ZNF521: variants seen among roughly 807,000 people sequenced by gnomAD.
The protein encoded by ZNF521 is LYST-interacting protein 3.
A neutral mutation model predicts 105.5 loss-of-function variants in ZNF521; 14 were observed. The ratio of observed to expected loss-of-function variants is 0.13; its 90% CI spans 0.09 to 0.21. ZNF521 has a LOEUF of 0.21. ZNF521 is among the 10% of genes least tolerant of loss of function. ZNF521 has a pLI of 1.00. For synonymous variants in ZNF521, 635 were observed against 606.0 expected (o/e 1.05, Z -0.70); for missense variants, 1,233 against 1,629.7 (o/e 0.76, Z 4.19).
chr18:25,318,954 A>C (rs1912788739), intron 3 of ZNF521, among the ~76,000 whole-genome samples: 1 of 87,348 alleles, frequency 1.1e-5, no homozygotes, highest in South Asian at 5.3e-4. Context: ...AAAAAAAAGA[A>C]AAAAAAAAAA....
intron 5 of ZNF521, among the ~76,000 whole-genome samples, chr18:25,131,412 A>G (rs771485209): frequency 2.0e-5 from 3 of 152,172 alleles, no homozygotes; most frequent in Non-Finnish European, 4.4e-5. Flanking sequence ...TGGCCTTGCA[A>G]ATTCCAGCTC....
intron 3 of ZNF521, among the ~76,000 whole-genome samples, chr18:25,250,709 G>A (rs1425865963): frequency 6.6e-6 from 1 of 152,142 alleles, no homozygotes; most frequent in African/African-American, 2.4e-5. Flanking sequence ...GTTGATATAT[G>A]AATTATACAC....
intron 4 of ZNF521, chr18:25,224,061 T>A: frequency 2.8e-6 from 1 of 358,382 alleles, no homozygotes; most frequent in Non-Finnish European, 5.1e-6. Context: ...AGATTCCAGA[T>A]CTCAGTAGTG....
chr18:25,262,533 T>C (rs940007025), intron 3 of ZNF521, among the ~76,000 whole-genome samples: 9 of 152,250 alleles, frequency 5.9e-5, no homozygotes, highest in African/African-American at 1.7e-4. Flanking sequence ...GAATTCATTT[T>C]GTCATTCTAT....
chr18:25,322,454 T>C (rs1912982676), intron 2 of ZNF521: 2 of 462,860 alleles, frequency 4.3e-6, no homozygotes, highest in Admixed American at 6.7e-5. Context: ...CTCTTAAGAC[T>C]GACTTTACCA....
chr18:25,340,754 C>T (rs1017442240), intron 2 of ZNF521, among the ~76,000 whole-genome samples: 4 of 152,152 alleles, frequency 2.6e-5, no homozygotes, highest in Non-Finnish European at 5.9e-5. Flanking sequence ...GGGCAGGCAA[C>T]TGGCTAAGGA....
chr18:25,098,453 TA>T (rs567327299), intron 5 of ZNF521, among the ~76,000 whole-genome samples: 42 of 151,100 alleles, frequency 2.8e-4, no homozygotes, highest in African/African-American at 9.2e-4. Flanking sequence ...TTTTTTTTAT[TA>T]AAAAAAAACT....
chr18:25,217,401 G>C (rs964811259), intron 4 of ZNF521, among the ~76,000 whole-genome samples: 2 of 152,196 alleles, frequency 1.3e-5, no homozygotes, highest in African/African-American at 4.8e-5. Context: ...CATGGAGAAT[G>C]AGAGAAAAGA....
At chr18:25,145,423 C>T (rs1230757993) in intron 5 of ZNF521, among the ~76,000 whole-genome samples, 1 of 152,094 alleles carries the variant, frequency 6.6e-6, no homozygotes, top group Non-Finnish European at 1.5e-5. Context: ...TTTTTGTTTA[C>T]TCTCAACAGT....
chr18:25,325,222 T>C (rs1244295512), intron 2 of ZNF521, among the ~76,000 whole-genome samples: 1 of 152,214 alleles, frequency 6.6e-6, no homozygotes, highest in East Asian at 1.9e-4. Context: ...GATGTGTTTA[T>C]TTGTGCTAGG....
rs1417292889 is a variant in ZNF521, at chr18:25,236,529, C to T, written c.221-8832G>A. 2.9e-5 allele frequency among the ~76,000 whole-genome samples: 4 copies of T among 137,492 alleles called. No individual in the cohort carries two copies. The East Asian group carries it at 8.3e-4, about 29-fold the overall frequency. 90.2% of individuals were successfully genotyped at this position (137,492 alleles called of 152,430 possible). On this transcript the variant is annotated intron_variant, in intron 3 of 7. Transcript: ENST00000361524. ...CCAGCCTGGGTGACACAGTGAGACT[C>T]CATCTCAAAAAAAAAAAAAAAATTA... is the stretch of plus-strand genomic sequence containing the variant.
Position 25,062,601 on chromosome 18 carries a change from A to G in ZNF521, c.*111T>C, listed in dbSNP as rs1051035650. The G allele has an allele frequency of 5.5e-5, 76 of 1,391,916 alleles. No individual in the cohort carries two copies. The highest frequency in any genetic ancestry group is 6.5e-5 in the Non-Finnish European group (65 of 1,007,236). The allele number at this position is 1,391,916 out of a possible 1,614,324, so 86.2% of individuals were successfully genotyped here. A position where few individuals can be genotyped will look rare whatever the true frequency, so the allele number is the denominator to read the frequency against. On this transcript the variant is annotated 3_prime_UTR_variant, in exon 8 of 8. Transcript: ENST00000361524. Reference sequence around the variant, plus strand: ...TTGATAATACAAGTTTTATGGTACAATACAATGTTTCTGAATAATATACAT... The same window carrying G: ...TTGATAATACAAGTTTTATGGTACAGTACAATGTTTCTGAATAATATACAT...
chr18:25,151,239 T>C (rs970174180), intron 5 of ZNF521, among the ~76,000 whole-genome samples: 7 of 152,196 alleles, frequency 4.6e-5, no homozygotes, highest in African/African-American at 9.7e-5. Flanking sequence ...ATGCTTTAGA[T>C]ACACTCTTCC....
intron 3 of ZNF521, among the ~76,000 whole-genome samples, chr18:25,289,679 T>C (rs891041394): frequency 6.6e-6 from 1 of 152,254 alleles, no homozygotes; most frequent in African/African-American, 2.4e-5. Flanking sequence ...CTCTCTTGTG[T>C]GTCCAAGATT....
chr18:25,160,161 T>C (rs919468580), intron 5 of ZNF521, among the ~76,000 whole-genome samples: 1 of 152,198 alleles, frequency 6.6e-6, no homozygotes. Context: ...TAGCCGCATG[T>C]TTGTTACTAC....
At chr18:25,157,977 C>T (rs1397626007) in intron 5 of ZNF521, among the ~76,000 whole-genome samples, 2 of 152,114 alleles carry the variant, frequency 1.3e-5, no homozygotes, top group Non-Finnish European at 2.9e-5. Context: ...TGGTCTTGAA[C>T]TCCTGACCTC....
At chr18:25,210,645 C>G (rs895566736) in intron 4 of ZNF521, among the ~76,000 whole-genome samples, 1 of 152,110 alleles carries the variant, frequency 6.6e-6, no homozygotes, top group Non-Finnish European at 1.5e-5. Flanking sequence ...ATGCTTCCTT[C>G]TTTGCTTCAT....
At chr18:25,087,190 T>G (rs2033642682) in intron 7 of ZNF521, among the ~76,000 whole-genome samples, 1 of 152,216 alleles carries the variant, frequency 6.6e-6, no homozygotes, top group African/African-American at 2.4e-5. Flanking sequence ...CAATAATTTC[T>G]AAGAATGTAA....
At chr18:25,065,486 G>C (rs9635971) in intron 7 of ZNF521, among the ~76,000 whole-genome samples, 33,932 of 151,934 alleles carry the variant, frequency 0.22, 4,423 homozygotes, top group East Asian at 0.45. Context: ...GCATCCCCAA[G>C]ACATCTCATT....
Sources: gnomAD v4.1 joint callset for allele counts (sites outside exome capture counted in the v4.1 genomes callset) on GRCh38, gnomAD v4.1.1 for gene constraint, MANE v1.5 for transcripts, NCBI Gene and HGNC (gene_info 2026-07-23, HGNC 2026-07-21) for gene names.